The following DLGAP2 variants were observed in gnomAD, a reference collection of about 807,000 sequenced individuals.
The protein encoded by DLGAP2 is disks large-associated protein 2.
In DLGAP2, 26 loss-of-function variants were observed where a neutral mutation model predicts 100.3. The ratio of observed to expected loss-of-function variants is 0.26; its 90% CI spans 0.19 to 0.36. DLGAP2 has a LOEUF of 0.36. Ranked by LOEUF, DLGAP2 falls within the 10% of genes least tolerant of loss-of-function variation. The pLI is 1.00. For missense variants in DLGAP2, 1,858 were observed against 1,453.2 expected, an observed-to-expected ratio of 1.28 and a Z score of -4.53; for synonymous variants, 886 against 630.1, an observed-to-expected ratio of 1.41 and a Z score of -6.08.
intron 6 of DLGAP2, among the ~76,000 whole-genome samples, chr8:1,595,487 C>A (rs1363587095): frequency 7.9e-4 from 119 of 150,626 alleles, no homozygotes; most frequent in Non-Finnish European, 1.5e-3. Flanking sequence ...CAAGGTGAAA[C>A]CCCGTCTCTA....
intron 2 of DLGAP2, among the ~76,000 whole-genome samples, chr8:1,176,803 C>T (rs2116692701): frequency 6.6e-6 from 1 of 152,268 alleles, no homozygotes; most frequent in Non-Finnish European, 1.5e-5. Context: ...TGGAGGCAGG[C>T]CTGGTGGTCA....
chr8:1,665,967 C>T (rs907138050), intron 8 of DLGAP2, among the ~76,000 whole-genome samples: 3 of 152,186 alleles, frequency 2.0e-5, no homozygotes, highest in South Asian at 2.1e-4. Flanking sequence ...GATAAATCAG[C>T]GCTGTGAAAC....
chr8:842,109 C>G (rs939321259), intron 1 of DLGAP2, among the ~76,000 whole-genome samples: 1 of 152,206 alleles, frequency 6.6e-6, no homozygotes, highest in Non-Finnish European at 1.5e-5. Flanking sequence ...ATTCTGCATT[C>G]TTTCCCTTCT....
At chr8:1,667,725 T>A (rs924958518) in intron 8 of DLGAP2, among the ~76,000 whole-genome samples, 1 of 152,200 alleles carries the variant, frequency 6.6e-6, no homozygotes, top group Non-Finnish European at 1.5e-5. Context: ...TCTTGACCTA[T>A]GCATAGTTTA....
chr8:787,215 G>A (rs1821891270), intron 1 of DLGAP2, among the ~76,000 whole-genome samples: 3 of 152,250 alleles, frequency 2.0e-5, no homozygotes, highest in South Asian at 2.1e-4. Flanking sequence ...ACTGCTGTAT[G>A]TCTTTCCTGT....
intron 2 of DLGAP2, among the ~76,000 whole-genome samples, chr8:1,172,864 C>T (rs570736467): frequency 5.9e-5 from 9 of 152,166 alleles, no homozygotes; most frequent in African/African-American, 2.2e-4. Context: ...ATCGTCTGAA[C>T]CCTTCTTCTC....
At chr8:1,019,231 A>C (rs188166774) in intron 2 of DLGAP2, 1 of 151,950 alleles carries the variant, frequency 6.6e-6, no homozygotes, top group African/African-American at 2.4e-5. Context: ...GCTTTCCCAC[A>C]TGCACACAGG....
At chr8:1,023,862 T>TGTGTGTGTGTGTGTGTGTGC (rs1236794899) in intron 2 of DLGAP2, among the ~76,000 whole-genome samples, 5 of 131,780 alleles carry the variant, frequency 3.8e-5, no homozygotes, top group Admixed American at 3.6e-4. Flanking sequence ...TATATATGTG[T>TGTGTGTGTGTGTGTGTGTGC]GTGTGTGTGT....
At chr8:1,214,539 A>G (rs1423923265) in intron 2 of DLGAP2, among the ~76,000 whole-genome samples, 1 of 152,230 alleles carries the variant, frequency 6.6e-6, no homozygotes, top group Non-Finnish European at 1.5e-5. Context: ...CCCGGAAGTC[A>G]GATCCCAGGA....
intron 3 of DLGAP2, among the ~76,000 whole-genome samples, chr8:1,495,541 G>T (rs151061759): frequency 6.6e-6 from 1 of 152,228 alleles, no homozygotes; most frequent in African/African-American, 2.4e-5. Context: ...GCGCTGGCCC[G>T]GCGAGGTCGG....
At chr8:884,468 C>T (rs1024093743) in intron 1 of DLGAP2, among the ~76,000 whole-genome samples, 1 of 151,484 alleles carries the variant, frequency 6.6e-6, no homozygotes, top group Non-Finnish European at 1.5e-5. Flanking sequence ...TATCTTTTGC[C>T]CACTTTTCGA....
At chr8:1,324,462 C>T (rs934892727) in intron 3 of DLGAP2, among the ~76,000 whole-genome samples, 1 of 152,180 alleles carries the variant, frequency 6.6e-6, no homozygotes, top group Non-Finnish European at 1.5e-5. Context: ...TCTTCCACAG[C>T]GTTCAAGCGA....
intron 13 of DLGAP2, among the ~76,000 whole-genome samples, chr8:1,696,719 G>A (rs538187933): frequency 5.3e-5 from 8 of 152,284 alleles, no homozygotes; most frequent in East Asian, 1.9e-4. Flanking sequence ...GCTAAGAGCC[G>A]TCAGAGAACA....
chr8:1,622,006 G>A (rs1305725993), intron 6 of DLGAP2: 1 of 152,226 alleles, frequency 6.6e-6, no homozygotes, highest in Non-Finnish European at 1.5e-5. Context: ...AAATGATCTG[G>A]AAAGAAGCCA....
chr8:761,031 C>T (rs759289678), intron 1 of DLGAP2, among the ~76,000 whole-genome samples: 7 of 152,198 alleles, frequency 4.6e-5, no homozygotes, highest in African/African-American at 7.2e-5. Context: ...CTGACATGGT[C>T]GGTCCTGGCT....
At chr8:1,470,898 GCCTTTCCC>G (rs777043187) in intron 3 of DLGAP2, among the ~76,000 whole-genome samples, 2 of 11,342 alleles carry the variant, frequency 1.8e-4, no homozygotes, top group African/African-American at 5.3e-4. Flanking sequence ...GACCCCTCCA[GCCTTTCCC>G]GACCCCTCCA....
At chr8:915,145 A>G (rs1288708761) in intron 2 of DLGAP2, among the ~76,000 whole-genome samples, 2 of 152,184 alleles carry the variant, frequency 1.3e-5, no homozygotes, top group African/African-American at 4.8e-5. Context: ...TCCTAAATTG[A>G]GAGAGAGCCC....
At chr8:820,648 T>C (rs562417357) in intron 1 of DLGAP2, among the ~76,000 whole-genome samples, 16 of 152,354 alleles carry the variant, frequency 1.1e-4, no homozygotes, top group African/African-American at 2.9e-4. Context: ...TATGTGGCAA[T>C]GTAAATGGAA....
intron 2 of DLGAP2, among the ~76,000 whole-genome samples, chr8:1,045,380 A>G (rs939134437): frequency 6.6e-6 from 1 of 152,264 alleles, no homozygotes; most frequent in Non-Finnish European, 1.5e-5. Context: ...AAGTTGATAA[A>G]TACAAATTGT....
Sources: gnomAD v4.1 joint callset for allele counts (sites outside exome capture counted in the v4.1 genomes callset) on GRCh38, gnomAD v4.1.1 for gene constraint, MANE v1.5 for transcripts, NCBI Gene and HGNC (gene_info 2026-07-23, HGNC 2026-07-21) for gene names.